SORCS1: variants seen among roughly 807,000 people sequenced by gnomAD.
SORCS1 encodes the protein VPS10 domain-containing receptor SorCS1.
A neutral mutation model predicts 146.1 loss-of-function variants in SORCS1; 60 were observed. The ratio of observed to expected loss-of-function variants is 0.41; its 90% CI spans 0.33 to 0.51. SORCS1 has a LOEUF of 0.51. Ranked by LOEUF, SORCS1 falls within the 20% of genes least tolerant of loss-of-function variation. The pLI is 0.21. For synonymous variants in SORCS1, 637 were observed against 584.0 expected (o/e 1.09, Z -1.31); for missense variants, 1,352 against 1,487.6 (o/e 0.91, Z 1.50).
intron 1 of SORCS1, among the ~76,000 whole-genome samples, chr10:107,008,183 C>A (rs1286711017): frequency 1.3e-5 from 2 of 152,076 alleles, no homozygotes; most frequent in East Asian, 1.9e-4. Flanking sequence ...TTCAATAGTA[C>A]ATAAAATAGT....
intron 6 of SORCS1, among the ~76,000 whole-genome samples, chr10:106,715,685 C>A (rs11818579): frequency 0.036 from 5,502 of 152,232 alleles, 288 homozygotes; most frequent in African/African-American, 0.12. Flanking sequence ...TCTGTAATCA[C>A]CAATACTGCT....
chr10:106,609,854 C>CTAGT (rs1846857489), intron 22 of SORCS1, among the ~76,000 whole-genome samples: 1 of 152,156 alleles, frequency 6.6e-6, no homozygotes, highest in African/African-American at 2.4e-5. Context: ...CATTGCTGAG[C>CTAGT]TAGTGCTTGG....
chr10:107,113,598 G>A (rs1425840251), intron 1 of SORCS1, among the ~76,000 whole-genome samples: 1 of 150,956 alleles, frequency 6.6e-6, no homozygotes, highest in African/African-American at 2.4e-5. Context: ...GCTGAGGCAG[G>A]AGAATCGCTT....
chr10:106,727,073 G>A (rs11814500), intron 6 of SORCS1, among the ~76,000 whole-genome samples: 2,062 of 149,300 alleles, frequency 0.014, 50 homozygotes, highest in African/African-American at 0.049. Flanking sequence ...GTGACAGAGC[G>A]AGACTCTGTC....
chr10:106,611,928 T>C lies in SORCS1; in HGVS notation c.3016A>G (p.Lys1006Glu), dbSNP rs371712299. Residue 1006 changes from lysine (K) to glutamate (E), a missense_variant, in exon 22 of 26, where the codon AAA becomes GAA. Lys to Glu is a moderately conservative substitution (Grantham distance 56). Coordinates refer to ENST00000263054, the MANE Select transcript of SORCS1 (RefSeq NM_052918.5). ...EWRRDIGRVI[K>E]KSLVEATGVP... Reference sequence around the variant, plus strand: ...GCACTCACTTCCACCAGGGATTTTTTGATGACTCGACCGATGTCCCTCCTC... The same window carrying C: ...GCACTCACTTCCACCAGGGATTTTTCGATGACTCGACCGATGTCCCTCCTC... 3.1e-6 allele frequency: 5 copies of C among 1,613,902 alleles called. 1 individual carries two copies. In the Admixed American group the frequency reaches 5.0e-5, roughly 16 times the overall value.
rs770083775 is a variant in SORCS1, at chr10:106,611,876, G to A, written c.3033+35C>T. 2.7e-6 allele frequency: 4 copies of A among 1,484,548 alleles called. No individual in the cohort carries two copies. The East Asian group carries it at 9.1e-5, about 34-fold the overall frequency. The allele number at this position is 1,484,548 out of a possible 1,614,324, so 92.0% of individuals were successfully genotyped here. On this transcript the variant is annotated intron_variant, in intron 22 of 25. Transcript: ENST00000263054. ...AATTCTTCAAGGACAGAGAGAAAAGGTACCCGGGCAAGAGAAGAAACTGTG... is the reference window on the plus strand; with the variant it reads ...AATTCTTCAAGGACAGAGAGAAAAGATACCCGGGCAAGAGAAGAAACTGTG...
intron 2 of SORCS1, among the ~76,000 whole-genome samples, chr10:106,850,720 C>A (rs1301021149): frequency 6.6e-6 from 1 of 152,186 alleles, no homozygotes; most frequent in Non-Finnish European, 1.5e-5. Flanking sequence ...TCACAATATT[C>A]CTCAGAGCTC....
chr10:107,103,479 C>A (rs1303784998), intron 1 of SORCS1, among the ~76,000 whole-genome samples: 1 of 152,234 alleles, frequency 6.6e-6, no homozygotes, highest in Non-Finnish European at 1.5e-5. Context: ...CTTTTCAATG[C>A]AGCTTCCTCA....
chr10:106,788,753 C>T (rs1405474049), intron 3 of SORCS1, among the ~76,000 whole-genome samples: 1 of 152,168 alleles, frequency 6.6e-6, no homozygotes, highest in Non-Finnish European at 1.5e-5. Context: ...TGTTGAGTGT[C>T]TGTGGCTTTT....
At chr10:106,757,211 A>C (rs946194326) in intron 5 of SORCS1, among the ~76,000 whole-genome samples, 1 of 152,190 alleles carries the variant, frequency 6.6e-6, no homozygotes, top group Non-Finnish European at 1.5e-5. Context: ...AGAAATAAAA[A>C]TAATTATCAA....
At chr10:106,799,676 A>G (rs558291171) in intron 3 of SORCS1, among the ~76,000 whole-genome samples, 1 of 152,300 alleles carries the variant, frequency 6.6e-6, no homozygotes, top group African/African-American at 2.4e-5. Context: ...CAAAACCACA[A>G]TGAGTAACCG....
intron 1 of SORCS1, among the ~76,000 whole-genome samples, chr10:107,130,831 T>G (rs1262026693): frequency 6.6e-6 from 1 of 152,008 alleles, no homozygotes; most frequent in East Asian, 1.9e-4. Flanking sequence ...CAATGTACAA[T>G]CCAGTTGCGG....
chr10:106,675,068 C>T lies in SORCS1; in HGVS notation c.1921G>A (p.Glu641Lys), dbSNP rs751443250. ...FVDGVLGEPG[E>K]ETLIMTVFGH... Reference sequence around the variant, plus strand: ...ACTTACGTCATGATGAGAGTCTCTTCTCCAGGCTCACCCAGAACCCCATCC... The same window carrying T: ...ACTTACGTCATGATGAGAGTCTCTTTTCCAGGCTCACCCAGAACCCCATCC... Residue 641 changes from glutamate (E) to lysine (K), a missense_variant, in exon 14 of 26, where the codon GAA becomes AAA. Physicochemically the swap from Glu to Lys is moderately conservative, Grantham distance 56. Transcript: ENST00000263054. The T allele has an allele frequency of 2.9e-5, 47 of 1,613,722 alleles. No individual in the cohort carries two copies. In the Admixed American group the frequency reaches 3.3e-4, roughly 11 times the overall value.
At chr10:106,579,130 C>T (rs1463895828) in intron 25 of SORCS1, 2 of 1,613,968 alleles carry the variant, frequency 1.2e-6, no homozygotes, top group East Asian at 2.2e-5. Context: ...ATAAGCTGGC[C>T]AGGCCTCCTT....
At chr10:106,748,246 C>A (rs1377325907) in intron 5 of SORCS1, among the ~76,000 whole-genome samples, 1 of 152,134 alleles carries the variant, frequency 6.6e-6, no homozygotes, top group Non-Finnish European at 1.5e-5. Flanking sequence ...AAAGCACGTG[C>A]TCACTTCATG....
At chr10:106,841,835 G>A (rs1444634548) in intron 2 of SORCS1, among the ~76,000 whole-genome samples, 2 of 152,164 alleles carry the variant, frequency 1.3e-5, no homozygotes, top group Admixed American at 1.3e-4. Context: ...ACTGATCTCA[G>A]TAAATCTCAG....
intron 2 of SORCS1, among the ~76,000 whole-genome samples, chr10:106,922,298 G>T (rs1952753233): frequency 2.0e-5 from 3 of 152,178 alleles, no homozygotes; most frequent in South Asian, 2.1e-4. Context: ...TGACAGGGTT[G>T]CCTTGCTAGG....
Position 107,001,540 on chromosome 10 carries a change from A to C in SORCS1, c.559-44960T>G, listed in dbSNP as rs536518497. 1.2e-4 allele frequency among the ~76,000 whole-genome samples: 19 copies of C among 152,236 alleles called. No homozygotes were observed. The South Asian group carries it at 3.9e-3, about 32-fold the overall frequency. On this transcript the variant is annotated intron_variant, in intron 1 of 25. Coordinates refer to ENST00000263054, the MANE Select transcript of SORCS1 (RefSeq NM_052918.5). Reference sequence around the variant, plus strand: ...TGTAAGAGATAGAAATAAACGATTTAGCAACCTCCGTCTCCCGGGTTCAAG... The same window carrying C: ...TGTAAGAGATAGAAATAAACGATTTCGCAACCTCCGTCTCCCGGGTTCAAG...
chr10:106,724,259 A>T (rs1855989216), intron 6 of SORCS1, among the ~76,000 whole-genome samples: 1 of 152,218 alleles, frequency 6.6e-6, no homozygotes, highest in African/African-American at 2.4e-5. Context: ...CTGTAATCCC[A>T]GCACTTTGGG....
Sources: gnomAD v4.1 joint callset for allele counts (sites outside exome capture counted in the v4.1 genomes callset) on GRCh38, gnomAD v4.1.1 for gene constraint, MANE v1.5 for transcripts, NCBI Gene and HGNC (gene_info 2026-07-23, HGNC 2026-07-21) for gene names.